The following CSNK1G1 variants were observed in gnomAD, a reference collection of about 807,000 sequenced individuals.
CSNK1G1 encodes the protein casein kinase I isoform gamma-1.
CSNK1G1 carries 22 observed loss-of-function variants against 59.6 expected under a neutral mutation model. The ratio of observed to expected loss-of-function variants is 0.37; its 90% CI spans 0.26 to 0.53. CSNK1G1 has a LOEUF of 0.53. CSNK1G1 is among the 20% of genes least tolerant of loss of function. The pLI is 0.89. For synonymous variants in CSNK1G1, 179 were observed against 177.1 expected, an observed-to-expected ratio of 1.01 and a Z score of -0.08; for missense variants, 384 against 519.5, an observed-to-expected ratio of 0.74 and a Z score of 2.54.
rs992957588 is a variant in CSNK1G1 at position 64,214,180 on chromosome 15, T to C, written c.445-56A>G. 1 of 1,264,174 alleles carries C rather than the reference T, an allele frequency of 7.9e-7. No homozygotes were observed. The highest frequency in any genetic ancestry group is 1.2e-6 in the Non-Finnish European group (1 of 866,012). The allele number at this position is 1,264,174 out of a possible 1,614,324, so 78.3% of individuals were successfully genotyped here. ...TAAAGAAGTATATCAGGAAAATACATCAAAACAGTTTCTTTAGCCAGACCA... is the reference window on the plus strand; with the variant it reads ...TAAAGAAGTATATCAGGAAAATACACCAAAACAGTTTCTTTAGCCAGACCA... On this transcript the variant is annotated intron_variant, in intron 5 of 11. Coordinates refer to ENST00000303052, the MANE Select transcript of CSNK1G1 (RefSeq NM_022048.5). The surrounding 1 kb of genome is among the most constrained non-coding windows in gnomAD (Gnocchi z 4.3).
intron 1 of CSNK1G1, among the ~76,000 whole-genome samples, chr15:64,320,806 G>T (rs184558347): frequency 6.6e-6 from 1 of 151,614 alleles, no homozygotes; most frequent in Non-Finnish European, 1.5e-5. Flanking sequence ...TTATATGTTC[G>T]CAATTAATTT....
intron 11 of CSNK1G1, among the ~76,000 whole-genome samples, chr15:64,174,515 T>C (rs950701619): frequency 6.6e-6 from 1 of 152,218 alleles, no homozygotes; most frequent in East Asian, 1.9e-4. Context: ...GTCCACTGAT[T>C]GACTTTCAGA....
At chr15:64,237,627 G>A (rs780119357) in intron 4 of CSNK1G1, among the ~76,000 whole-genome samples, 1 of 152,070 alleles carries the variant, frequency 6.6e-6, no homozygotes, top group Non-Finnish European at 1.5e-5. Flanking sequence ...TCTGTTTCCT[G>A]TGTTGCTCAG....
rs117904029 is a variant in CSNK1G1 at position 64,324,821 on chromosome 15, T to C, written c.-224-24098A>G. Among the ~76,000 whole-genome samples the C allele has an allele frequency of 6.2e-3, 947 of 152,328 alleles. 1 individual carries two copies. The highest frequency in any genetic ancestry group is 0.01 in the Non-Finnish European group (699 of 68,022). The stretch of plus-strand genomic sequence containing the variant: ...TATAAAGGAACTCCATGAAATTTCT[T>C]TAATGGTTCTTAAGAGTCACTGCTG... On this transcript the variant is annotated intron_variant, in intron 1 of 11. Transcript: ENST00000303052.
At chr15:64,299,178 G>T (rs1895185754) in intron 2 of CSNK1G1, among the ~76,000 whole-genome samples, 1 of 150,614 alleles carries the variant, frequency 6.6e-6, no homozygotes, top group Non-Finnish European at 1.5e-5. Context: ...TGAAGGAAAA[G>T]AAAACACTTT....
chr15:64,245,438 T>C (rs1891700344), intron 4 of CSNK1G1, among the ~76,000 whole-genome samples: 1 of 152,158 alleles, frequency 6.6e-6, no homozygotes, highest in South Asian at 2.1e-4. Context: ...TAATCTGATT[T>C]AAAAATGGGC....
At chr15:64,184,147 C>CA (rs1410308025) in intron 10 of CSNK1G1, among the ~76,000 whole-genome samples, 1 of 151,250 alleles carries the variant, frequency 6.6e-6, no homozygotes, top group Non-Finnish European at 1.5e-5. Flanking sequence ...ACTAAAAATA[C>CA]AAAAAATTAG....
At chr15:64,231,880 C>A (rs1008698196) in intron 4 of CSNK1G1, among the ~76,000 whole-genome samples, 7 of 152,160 alleles carry the variant, frequency 4.6e-5, no homozygotes, top group African/African-American at 1.4e-4. Context: ...CATGAACATA[C>A]TGTAAGCTCA....
chr15:64,295,582 C>T (rs1894976724), intron 2 of CSNK1G1, among the ~76,000 whole-genome samples: 1 of 152,160 alleles, frequency 6.6e-6, no homozygotes, highest in Non-Finnish European at 1.5e-5. Context: ...ACATACCACA[C>T]ACAGTGAAAG....
intron 4 of CSNK1G1, among the ~76,000 whole-genome samples, chr15:64,248,356 C>T (rs1012607578): frequency 2.0e-5 from 3 of 152,098 alleles, no homozygotes; most frequent in Non-Finnish European, 2.9e-5. Flanking sequence ...TTAACCATCA[C>T]AAGGAATATT....
At chr15:64,238,518 AATATAT>A (rs1212005568) in intron 4 of CSNK1G1, among the ~76,000 whole-genome samples, 33 of 49,232 alleles carry the variant, frequency 6.7e-4, no homozygotes, top group African/African-American at 1.8e-3. Flanking sequence ...AAAAAAAAAA[AATATAT>A]ATATATATAT....
chr15:64,305,121 T>C (rs1364927195), intron 1 of CSNK1G1, among the ~76,000 whole-genome samples: 1 of 152,174 alleles, frequency 6.6e-6, no homozygotes, highest in East Asian at 1.9e-4. Context: ...CCCAACAAAT[T>C]TCCCCTTCTG....
chr15:64,341,597 T>C (rs1328014200), intron 1 of CSNK1G1, among the ~76,000 whole-genome samples: 1 of 152,164 alleles, frequency 6.6e-6, no homozygotes, highest in Non-Finnish European at 1.5e-5. Flanking sequence ...CTCAATCTCT[T>C]GAGTAGCTGA....
intron 4 of CSNK1G1, among the ~76,000 whole-genome samples, chr15:64,232,742 C>A (rs1163448780): frequency 6.6e-6 from 1 of 152,154 alleles, no homozygotes; most frequent in Non-Finnish European, 1.5e-5. Flanking sequence ...AACAAGCATT[C>A]TCTAACGGCA....
intron 1 of CSNK1G1, among the ~76,000 whole-genome samples, chr15:64,303,224 C>A: frequency 7.9e-6 from 1 of 125,888 alleles, no homozygotes; most frequent in Non-Finnish European, 1.7e-5. Flanking sequence ...CTGGGCAACA[C>A]AGAAAGACCC....
intron 1 of CSNK1G1, among the ~76,000 whole-genome samples, chr15:64,308,850 T>A (rs1416451548): frequency 4.0e-5 from 6 of 151,016 alleles, no homozygotes; most frequent in Non-Finnish European, 7.4e-5. Context: ...TGAGCCAAGA[T>A]CACGCCACTG....
chr15:64,254,728 C>G (rs1350193118), intron 3 of CSNK1G1, among the ~76,000 whole-genome samples: 1 of 152,146 alleles, frequency 6.6e-6, no homozygotes, highest in Non-Finnish European at 1.5e-5. Flanking sequence ...ATTATTTTCT[C>G]CTATTCCTTT....
intron 4 of CSNK1G1, among the ~76,000 whole-genome samples, chr15:64,248,063 T>C (rs192116489): frequency 2.6e-4 from 39 of 152,314 alleles, no homozygotes; most frequent in African/African-American, 8.4e-4. Flanking sequence ...TATGTTACTG[T>C]GGTCTTTGTG....
chr15:64,272,183 G>C (rs1456856116), intron 2 of CSNK1G1, among the ~76,000 whole-genome samples: 1 of 151,178 alleles, frequency 6.6e-6, no homozygotes, highest in Non-Finnish European at 1.5e-5. Flanking sequence ...ATACTATTGG[G>C]TCTTGCTTTT....
Sources: gnomAD v4.1 joint callset for allele counts (sites outside exome capture counted in the v4.1 genomes callset) on GRCh38, gnomAD v4.1.1 for gene constraint, Gnocchi (gnomAD v3.1) non-coding constraint, MANE v1.5 for transcripts, NCBI Gene and HGNC (gene_info 2026-07-23, HGNC 2026-07-21) for gene names.